Variants in OR5H1 observed in about 807,000 individuals in gnomAD.
OR5H1 encodes the protein olfactory receptor 5H1.
For synonymous variants in OR5H1, 124 were observed against 134.4 expected (o/e 0.92, Z 0.54); for missense variants, 378 against 366.8 (o/e 1.03, Z -0.25).
chr3:98,131,349 G>T (rs748040271), intron 1 of OR5H1, among the ~76,000 whole-genome samples: 5 of 151,704 alleles, frequency 3.3e-5, no homozygotes, highest in African/African-American at 4.8e-5. Flanking sequence ...TAAAGTCCTG[G>T]TATTTTGGCT....
At position 98,134,379 on chromosome 3, in the gene OR5H1, T is replaced by G. The variant is rs994901246; in HGVS notation, c.*740T>G. ...AAATTAAAAGATTAAATAGAATAAC[T>G]GCATTTGGAGTAGACATAGAGAAGA... On this transcript the variant is annotated 3_prime_UTR_variant, in exon 2 of 2. Coordinates refer to ENST00000641874, the MANE Select transcript of OR5H1 (RefSeq NM_001005338.2). 4.6e-5 allele frequency: 7 copies of G among 151,982 alleles called. No individual in the cohort carries two copies. Among genetic ancestry groups the G allele is most frequent in the Admixed American group, 1.3e-4 (2 of 15,228 alleles). The allele number at this position is 151,982 out of a possible 1,614,324, so 9.4% of individuals were successfully genotyped here.
At position 98,134,107 on chromosome 3, in the gene OR5H1, T is replaced by G. The variant is rs1708291526; in HGVS notation, c.*468T>G. On this transcript the variant is annotated 3_prime_UTR_variant, in exon 2 of 2. Coordinates refer to ENST00000641874, the MANE Select transcript of OR5H1 (RefSeq NM_001005338.2). ...TCCATTTCATTATATTAGGAAAGGG[T>G]GAATTCTGTTTCTTGAAGGAAGTCA... 1 of 158,042 alleles carries G rather than the reference T, an allele frequency of 6.3e-6. No homozygotes were observed. Among genetic ancestry groups the G allele is most frequent in the Admixed American group, 6.1e-5 (1 of 16,382 alleles). The allele number at this position is 158,042 out of a possible 1,614,324, so 9.8% of individuals were successfully genotyped here. A position where few individuals can be genotyped will look rare whatever the true frequency, so the allele number is the denominator to read the frequency against.
At chr3:98,131,744 G>A (rs1708258079) in intron 1 of OR5H1, among the ~76,000 whole-genome samples, 1 of 151,832 alleles carries the variant, frequency 6.6e-6, no homozygotes, top group South Asian at 2.1e-4. Context: ...GCTCTAATAG[G>A]CTCATATTAC....
chr3:98,131,084 G>T (rs961291430), intron 1 of OR5H1, among the ~76,000 whole-genome samples: 1 of 151,982 alleles, frequency 6.6e-6, no homozygotes, highest in African/African-American at 2.4e-5. Flanking sequence ...ATCTTATTAT[G>T]ATGAGTTTAT....
rs1708333449 is a variant in OR5H1 at position 98,137,481 on chromosome 3, A to T, written c.*3842A>T. 6.6e-6 allele frequency: 1 copy of T among 152,204 alleles called. No homozygotes were observed. Among genetic ancestry groups the T allele is most frequent in the African/African-American group, 2.4e-5 (1 of 41,464 alleles). 9.4% of individuals were successfully genotyped at this position (152,204 alleles called of 1,614,324 possible). A position where few individuals can be genotyped will look rare whatever the true frequency, so the allele number is the denominator to read the frequency against. Reference sequence around the variant, plus strand: ...TTCTTTTCTGGGATAGAAGCGATTGACAAATATACATCACACCGGCATTTT... The same window carrying T: ...TTCTTTTCTGGGATAGAAGCGATTGTCAAATATACATCACACCGGCATTTT... On this transcript the variant is annotated 3_prime_UTR_variant, in exon 2 of 2. Coordinates refer to ENST00000641874, the MANE Select transcript of OR5H1 (RefSeq NM_001005338.2).
rs539430534 is a variant in OR5H1, at chr3:98,132,963, G to A, written c.266G>A (p.Ser89Asn). 5 of 1,613,614 alleles carry A rather than the reference G, an allele frequency of 3.1e-6. No homozygotes were observed. The South Asian group carries it at 4.4e-5, about 14-fold the overall frequency. Residue 89 changes from serine (S) to asparagine (N), a missense_variant, in exon 2 of 2, where the codon AGT becomes AAT. Transcript: ENST00000641874. ...ATGCTGAATAACTTCTTAGCTAAGAGTAAGATGATATCTCTCTCTGAATGC... is the reference window on the plus strand; with the variant it reads ...ATGCTGAATAACTTCTTAGCTAAGAATAAGATGATATCTCTCTCTGAATGC... ...PKMLNNFLAK[S>N]KMISLSECKI...
At position 98,137,345 on chromosome 3, in the gene OR5H1, C is replaced by T. The variant is rs763005027; in HGVS notation, c.*3706C>T. ...AATCTTTACTTGTCAGAGCCTTTTC[C>T]GCAAATCTGTTGAGATTAGACAGAT... On this transcript the variant is annotated 3_prime_UTR_variant, in exon 2 of 2. Coordinates refer to ENST00000641874, the MANE Select transcript of OR5H1 (RefSeq NM_001005338.2). The T allele has an allele frequency of 2.0e-4, 30 of 152,100 alleles. No homozygotes were observed. Among genetic ancestry groups the T allele is most frequent in the Non-Finnish European group, 3.5e-4 (24 of 68,010 alleles). 9.4% of individuals were successfully genotyped at this position (152,100 alleles called of 1,614,324 possible).
In OR5H1 at chr3:98,133,575, G is replaced by A. The variant is rs1559804377; in HGVS notation, c.878G>A (p.Arg293Lys). 1 of 1,612,230 alleles carries A rather than the reference G, an allele frequency of 6.2e-7. No homozygotes were observed. ...PLLNPIIYSL[R>K]NKQVTVSFTK... ...TTAAATCCTATCATCTACAGTCTGA[G>A]AAATAAGCAAGTCACAGTTTCATTC... Residue 293 changes from arginine (R) to lysine (K), a missense_variant, in exon 2 of 2, where the codon AGA (arginine) becomes AAA (lysine). By Grantham distance (26) the Arg-to-Lys change is conservative. Transcript: ENST00000641874.
Position 98,134,989 on chromosome 3 carries a change from T to C in OR5H1, c.*1350T>C, listed in dbSNP as rs1324616227. 6.6e-6 allele frequency: 1 copy of C among 152,182 alleles called. No homozygotes were observed. Among genetic ancestry groups the C allele is most frequent in the Admixed American group, 6.6e-5 (1 of 15,256 alleles). 9.4% of individuals were successfully genotyped at this position (152,182 alleles called of 1,614,324 possible). On this transcript the variant is annotated 3_prime_UTR_variant, in exon 2 of 2. Coordinates refer to ENST00000641874, the MANE Select transcript of OR5H1 (RefSeq NM_001005338.2). The stretch of plus-strand genomic sequence containing the variant: ...TTTAGGTATCTTATATCTATATGTA[T>C]ACATATGCATATGTTTAGTTTTTCA...
intron 1 of OR5H1, among the ~76,000 whole-genome samples, chr3:98,131,390 C>T (rs1474985822): frequency 6.6e-6 from 1 of 151,344 alleles, no homozygotes; most frequent in Non-Finnish European, 1.5e-5. Context: ...ATCTTTTGTC[C>T]CTCTCTCCAT....
chr3:98,131,704 A>G (rs1219884417), intron 1 of OR5H1, among the ~76,000 whole-genome samples: 2 of 151,968 alleles, frequency 1.3e-5, no homozygotes, highest in African/African-American at 2.4e-5. Flanking sequence ...TTTGACTACC[A>G]CAATGAATCC....
In OR5H1 at chr3:98,133,343, G is replaced by A. The variant is rs780960094; in HGVS notation, c.646G>A (p.Val216Ile). 72 of 1,612,928 alleles carry A rather than the reference G, an allele frequency of 4.5e-5. No homozygotes were observed. The highest frequency in any genetic ancestry group is 5.6e-5 in the Non-Finnish European group (66 of 1,179,626). ...IQVFSIVTIL[V>I]SYTFVLFAIL... ...GGTATTCAGCATTGTGACTATTCTT[G>A]TATCTTATACATTTGTTCTCTTCGC... is the stretch of plus-strand genomic sequence containing the variant. The change falls in exon 2 of 2, where the codon GTA becomes ATA. Residue 216 changes from valine to isoleucine, a missense_variant. By Grantham distance (29) the Val-to-Ile change is conservative. Coordinates refer to ENST00000641874, the MANE Select transcript of OR5H1 (RefSeq NM_001005338.2).
Position 98,132,689 on chromosome 3 carries a change from T to G in OR5H1, c.-9T>G, listed in dbSNP as rs777100843. The G allele has an allele frequency of 1.2e-6, 2 of 1,612,588 alleles. No homozygotes were observed. Among genetic ancestry groups the G allele is most frequent in the Non-Finnish European group, 1.7e-6 (2 of 1,179,018 alleles). The stretch of plus-strand genomic sequence containing the variant: ...TTGCATTTTATTTTAGAGGGCATGC[T>G]GTGAGGACATGGAAGAGGAAAATGC... On this transcript the variant is annotated 5_prime_UTR_variant, in exon 2 of 2. Coordinates refer to ENST00000641874, the MANE Select transcript of OR5H1 (RefSeq NM_001005338.2).
chr3:98,132,177 T>C (rs1400519946), intron 1 of OR5H1, among the ~76,000 whole-genome samples: 2 of 152,006 alleles, frequency 1.3e-5, no homozygotes, highest in East Asian at 3.9e-4. Flanking sequence ...TTCTAATTAA[T>C]ATCCCTGAGT....
In OR5H1 at chr3:98,137,247, A is replaced by G. The variant is rs1708331023; in HGVS notation, c.*3608A>G. On this transcript the variant is annotated 3_prime_UTR_variant, in exon 2 of 2. Coordinates refer to ENST00000641874, the MANE Select transcript of OR5H1 (RefSeq NM_001005338.2). ...TAAACGTATTAATTCTGTTTACAAA[A>G]GGTATACTTGGCCAGATTGTTTGCA... 1 of 152,210 alleles carries G rather than the reference A, an allele frequency of 6.6e-6. No homozygotes were observed. Among genetic ancestry groups the G allele is most frequent in the Admixed American group, 6.5e-5 (1 of 15,280 alleles). 9.4% of individuals were successfully genotyped at this position (152,210 alleles called of 1,614,324 possible).
rs72926081 is a variant in OR5H1, at chr3:98,135,110, C to G, written c.*1471C>G. 6.6e-6 allele frequency: 1 copy of G among 151,968 alleles called. No homozygotes were observed. Among genetic ancestry groups the G allele is most frequent in the Non-Finnish European group, 1.5e-5 (1 of 67,968 alleles). 9.4% of individuals were successfully genotyped at this position (151,968 alleles called of 1,614,324 possible). On this transcript the variant is annotated 3_prime_UTR_variant, in exon 2 of 2. Transcript: ENST00000641874. ...AATTTAGAGTTTATCTGAGGAGACT[C>G]GATTTATTTTGCAACACCAGATTGC...
rs553557420 is a variant in OR5H1, at chr3:98,137,631, A to G, written c.*3992A>G. 1 of 152,308 alleles carries G rather than the reference A, an allele frequency of 6.6e-6. No individual in the cohort carries two copies. The highest frequency in any genetic ancestry group is 6.5e-5 in the Admixed American group (1 of 15,286). 9.4% of individuals were successfully genotyped at this position (152,308 alleles called of 1,614,324 possible). On this transcript the variant is annotated 3_prime_UTR_variant, in exon 2 of 2. Coordinates refer to ENST00000641874, the MANE Select transcript of OR5H1 (RefSeq NM_001005338.2). ...CAAATATGAACACAAAAGTGAACCC[A>G]AATATCTTTGTTTCTTCTGTAATAA... is the stretch of plus-strand genomic sequence containing the variant.
intron 1 of OR5H1, among the ~76,000 whole-genome samples, 163 bp from the exon 2 acceptor site, chr3:98,132,517 T>C (rs1708267225): frequency 6.6e-6 from 1 of 152,050 alleles, no homozygotes; most frequent in African/African-American, 2.4e-5. Context: ...ATATCATTTT[T>C]TCATGTCTTT....
At position 98,137,355 on chromosome 3, in the gene OR5H1, T is replaced by C. The variant is rs926721567; in HGVS notation, c.*3716T>C. On this transcript the variant is annotated 3_prime_UTR_variant, in exon 2 of 2. Coordinates refer to ENST00000641874, the MANE Select transcript of OR5H1 (RefSeq NM_001005338.2). The stretch of plus-strand genomic sequence containing the variant: ...TGTCAGAGCCTTTTCCGCAAATCTG[T>C]TGAGATTAGACAGATACTTTGCATA... 1 of 152,196 alleles carries C rather than the reference T, an allele frequency of 6.6e-6. No individual in the cohort carries two copies. Among genetic ancestry groups the C allele is most frequent in the African/African-American group, 2.4e-5 (1 of 41,460 alleles). The allele number at this position is 152,196 out of a possible 1,614,324, so 9.4% of individuals were successfully genotyped here. A position where few individuals can be genotyped will look rare whatever the true frequency, so the allele number is the denominator to read the frequency against.
Sources: gnomAD v4.1 joint callset for allele counts (sites outside exome capture counted in the v4.1 genomes callset) on GRCh38, gnomAD v4.1.1 for gene constraint, MANE v1.5 for transcripts, NCBI Gene and HGNC (gene_info 2026-07-23, HGNC 2026-07-21) for gene names.